The following SLC10A7 variants were observed in gnomAD, a reference collection of about 807,000 sequenced individuals.
The protein encoded by SLC10A7 is sodium/bile acid cotransporter 7.
Under a neutral mutation model 43.2 loss-of-function variants are expected in SLC10A7, and 29 were observed. That is an observed-to-expected ratio of 0.67 (90% CI 0.50 to 0.92). The LOEUF (loss-of-function observed/expected upper bound fraction) is 0.92. SLC10A7 is among the 40% of genes least tolerant of loss of function. The pLI, the probability that SLC10A7 is intolerant of heterozygous loss-of-function variation, is 0.00. For missense variants in SLC10A7, 295 were observed against 403.2 expected, an observed-to-expected ratio of 0.73 and a Z score of 2.30; for synonymous variants, 152 against 144.8, an observed-to-expected ratio of 1.05 and a Z score of -0.35.
chr4:146,374,138 A>T (rs1224305635), intron 5 of SLC10A7, among the ~76,000 whole-genome samples: 1 of 152,230 alleles, frequency 6.6e-6, no homozygotes, highest in African/African-American at 2.4e-5. Context: ...GGCTTTGGGT[A>T]AATTATTTAA....
rs557646295 is a variant in SLC10A7, at chr4:146,285,040, C to A, written c.774-1775G>T. Among the ~76,000 whole-genome samples the A allele has an allele frequency of 2.0e-5, 3 of 152,238 alleles. No homozygotes were observed. The South Asian group carries it at 6.2e-4, about 32-fold the overall frequency. On this transcript the variant is annotated intron_variant, in intron 9 of 11. Coordinates refer to ENST00000335472, the MANE Select transcript of SLC10A7 (RefSeq NM_001029998.6). Reference sequence around the variant, plus strand: ...CTTAAAGAATAGATTTAGATATGTGCAGATGTGTGTTTTAGATAGGGGACA... The same window carrying A: ...CTTAAAGAATAGATTTAGATATGTGAAGATGTGTGTTTTAGATAGGGGACA...
intron 1 of SLC10A7, among the ~76,000 whole-genome samples, chr4:146,521,064 G>C (rs1738587633): frequency 6.6e-6 from 1 of 152,128 alleles, no homozygotes; most frequent in Non-Finnish European, 1.5e-5. Context: ...GTAATGAAGT[G>C]TCCTGTAATC....
At chr4:146,293,716 G>A (rs1192581277) in intron 8 of SLC10A7, among the ~76,000 whole-genome samples, 1 of 152,090 alleles carries the variant, frequency 6.6e-6, no homozygotes, top group East Asian at 1.9e-4. Context: ...AGAAAATGGG[G>A]CAGCAGACGC....
At chr4:146,423,439 T>C (rs1220001284) in intron 5 of SLC10A7, among the ~76,000 whole-genome samples, 2 of 152,220 alleles carry the variant, frequency 1.3e-5, no homozygotes, top group Non-Finnish European at 2.9e-5. Flanking sequence ...AAGTGTTGAA[T>C]AACTTTTGGA....
intron 4 of SLC10A7, among the ~76,000 whole-genome samples, chr4:146,443,824 C>T (rs1730805907): frequency 6.6e-6 from 1 of 152,194 alleles, no homozygotes; most frequent in Non-Finnish European, 1.5e-5. Context: ...CTCCAGAGAG[C>T]TTAGCTCTCC....
At chr4:146,386,910 G>A (rs1298352040) in intron 5 of SLC10A7, among the ~76,000 whole-genome samples, 1 of 152,202 alleles carries the variant, frequency 6.6e-6, no homozygotes, top group Admixed American at 6.6e-5. Flanking sequence ...TTTTCATAGA[G>A]CTTAGTATAG....
intron 4 of SLC10A7, among the ~76,000 whole-genome samples, chr4:146,477,424 C>T (rs1734121552): frequency 6.6e-6 from 1 of 152,122 alleles, no homozygotes; most frequent in South Asian, 2.1e-4. Context: ...CATCTAGAGG[C>T]TAAAAACTCA....
At chr4:146,478,447 T>C (rs1183604637) in intron 4 of SLC10A7, 1 of 152,204 alleles carries the variant, frequency 6.6e-6, no homozygotes, top group Admixed American at 6.5e-5. Flanking sequence ...AGGATGTACA[T>C]ATTATACCTT....
intron 5 of SLC10A7, among the ~76,000 whole-genome samples, chr4:146,367,413 A>C (rs543579155): frequency 6.6e-6 from 1 of 152,286 alleles, no homozygotes; most frequent in East Asian, 1.9e-4. Context: ...CTAAGGAATG[A>C]AATTCTAAAT....
intron 2 of SLC10A7, among the ~76,000 whole-genome samples, chr4:146,511,739 C>T (rs1243495561): frequency 1.3e-5 from 2 of 152,176 alleles, no homozygotes; most frequent in African/African-American, 4.8e-5. Flanking sequence ...GGGATCAGAC[C>T]TAAGAGAAAG....
At chr4:146,326,136 G>C (rs944473514) in intron 5 of SLC10A7, 140 bp from the exon 6 acceptor site, 12 of 663,238 alleles carry the variant, frequency 1.8e-5, no homozygotes, top group Non-Finnish European at 3.1e-5. Context: ...AGAGGGGAGA[G>C]TCCCAATCTT....
intron 10 of SLC10A7, among the ~76,000 whole-genome samples, chr4:146,270,893 C>G (rs984265789): frequency 6.6e-6 from 1 of 152,226 alleles, no homozygotes; most frequent in Non-Finnish European, 1.5e-5. Context: ...AAATAACTGC[C>G]AGACTCTTCT....
chr4:146,495,865 T>C (rs1306615984), intron 4 of SLC10A7, among the ~76,000 whole-genome samples: 1 of 152,042 alleles, frequency 6.6e-6, no homozygotes, highest in East Asian at 1.9e-4. Flanking sequence ...AAAATGTTTC[T>C]TTAAAATGTA....
intron 9 of SLC10A7, among the ~76,000 whole-genome samples, chr4:146,285,894 A>G (rs1347242012): frequency 4.1e-5 from 5 of 121,102 alleles, no homozygotes; most frequent in Non-Finnish European, 5.2e-5. Flanking sequence ...GAAAGACTGA[A>G]TTTGGAGTGG....
At chr4:146,312,813 G>C (rs1471937889) in intron 6 of SLC10A7, among the ~76,000 whole-genome samples, 1 of 152,112 alleles carries the variant, frequency 6.6e-6, no homozygotes, top group Admixed American at 6.6e-5. Flanking sequence ...GCAATCACAG[G>C]TTCAGGTTAC....
At chr4:146,455,382 T>C (rs1234855986) in intron 4 of SLC10A7, among the ~76,000 whole-genome samples, 1 of 151,842 alleles carries the variant, frequency 6.6e-6, no homozygotes, top group Non-Finnish European at 1.5e-5. Flanking sequence ...GAGAGAGGAA[T>C]TGGCCAAGAA....
In SLC10A7 at chr4:146,256,180, G is replaced by T; in HGVS notation, c.*311C>A. 5.3e-6 allele frequency: 2 copies of T among 379,006 alleles called. No homozygotes were observed. The highest frequency in any genetic ancestry group is 4.9e-6 in the Non-Finnish European group (1 of 206,048). The allele number at this position is 379,006 out of a possible 1,614,324, so 23.5% of individuals were successfully genotyped here. ...TCAAACATTACAGTAACTACTATAG[G>T]GTTGTATTGCACAAAGGTGCTGCAG... On this transcript the variant is annotated 3_prime_UTR_variant, in exon 12 of 12. Coordinates refer to ENST00000335472, the MANE Select transcript of SLC10A7 (RefSeq NM_001029998.6).
At chr4:146,306,126 T>A in intron 6 of SLC10A7, 117 bp from the exon 7 acceptor site, 2 of 648,634 alleles carry the variant, frequency 3.1e-6, no homozygotes, top group Non-Finnish European at 4.8e-6. Context: ...GGTAGCTATC[T>A]ACAAAGAATA....
At chr4:146,319,453 C>A (rs1315537990) in intron 6 of SLC10A7, among the ~76,000 whole-genome samples, 1 of 151,992 alleles carries the variant, frequency 6.6e-6, no homozygotes, top group Non-Finnish European at 1.5e-5. Flanking sequence ...ACTTCCTATT[C>A]CTCTACATTA....
Sources: gnomAD v4.1 joint callset for allele counts (sites outside exome capture counted in the v4.1 genomes callset) on GRCh38, gnomAD v4.1.1 for gene constraint, MANE v1.5 for transcripts, NCBI Gene and HGNC (gene_info 2026-07-23, HGNC 2026-07-21) for gene names.